Variants in CTDSPL2 observed in about 807,000 individuals in gnomAD.
CTDSPL2 encodes CTD small phosphatase-like protein 2.
A neutral mutation model predicts 60.0 loss-of-function variants in CTDSPL2; 5 were observed. That is an observed-to-expected ratio of 0.08 (90% CI 0.04 to 0.18). CTDSPL2 has a LOEUF of 0.18. Ranked by LOEUF, CTDSPL2 falls within the 10% of genes least tolerant of loss-of-function variation. The pLI is 1.00. For missense variants in CTDSPL2, 370 were observed against 548.8 expected (o/e 0.67, Z 3.26); for synonymous variants, 186 against 189.3 (o/e 0.98, Z 0.14).
In CTDSPL2 at chr15:44,494,647, T is replaced by C. The variant is rs1397614358; in HGVS notation, c.692-1733T>C. Among the ~76,000 whole-genome samples the C allele has an allele frequency of 5.3e-5, 8 of 151,490 alleles. No homozygotes were observed. The East Asian group carries it at 9.7e-4, about 18-fold the overall frequency. The stretch of plus-strand genomic sequence containing the variant: ...ATTTCTGGCTGGATGCAGTGGCTCA[T>C]GCCTGTAGTCCCTGCACTTTGCGAG... On this transcript the variant is annotated intron_variant, in intron 5 of 12. Transcript: ENST00000260327.
At chr15:44,487,849 C>T (rs1484701565) in intron 4 of CTDSPL2, among the ~76,000 whole-genome samples, 1 of 152,144 alleles carries the variant, frequency 6.6e-6, no homozygotes, top group Admixed American at 6.6e-5. Flanking sequence ...GGCACCGTGG[C>T]TTATACCTGT....
At chr15:44,502,124 C>A in intron 8 of CTDSPL2, 1 of 256,158 alleles carries the variant, frequency 3.9e-6, no homozygotes, top group South Asian at 4.1e-5. Flanking sequence ...TAAAGTACTG[C>A]ATATACTCTT....
At chr15:44,521,954 A>AC (rs1259522763) in intron 12 of CTDSPL2, among the ~76,000 whole-genome samples, 2 of 149,952 alleles carry the variant, frequency 1.3e-5, no homozygotes, top group African/African-American at 2.4e-5. Context: ...AAAAAAAAAA[A>AC]AAAAAAAAAC....
intron 7 of CTDSPL2, among the ~76,000 whole-genome samples, chr15:44,497,948 G>C (rs991913742): frequency 5.9e-5 from 9 of 152,062 alleles, no homozygotes; most frequent in African/African-American, 2.2e-4. Flanking sequence ...AGTGAGCTGA[G>C]ATCATATCAC....
chr15:44,458,894 A>G (rs1439470967), intron 1 of CTDSPL2, 97 bp from the exon 2 acceptor site: 4 of 785,738 alleles, frequency 5.1e-6, no homozygotes, highest in African/African-American at 1.8e-5. Context: ...TTTTTAGCCA[A>G]GATATTTTTA....
intron 2 of CTDSPL2, among the ~76,000 whole-genome samples, chr15:44,472,623 G>A (rs2080834132): frequency 6.7e-6 from 1 of 150,280 alleles, no homozygotes; most frequent in Admixed American, 6.7e-5. Flanking sequence ...TCAGCCTCCT[G>A]AGGAGCTGAG....
intron 10 of CTDSPL2, among the ~76,000 whole-genome samples, chr15:44,516,364 A>G (rs191397203): frequency 9.9e-4 from 151 of 152,234 alleles, no homozygotes; most frequent in African/African-American, 3.6e-3. Context: ...TTTATTATTC[A>G]GTGGTTGCAA....
At position 44,486,628 on chromosome 15, in the gene CTDSPL2, C is replaced by T. The variant is rs1179605829; in HGVS notation, c.403C>T (p.Pro135Ser). The T allele has an allele frequency of 1.1e-5, 17 of 1,593,746 alleles. No individual in the cohort carries two copies. Among genetic ancestry groups the T allele is most frequent in the Non-Finnish European group, 1.5e-5 (17 of 1,171,492 alleles). Reference sequence around the variant, plus strand: ...AGAAGATAATCCTTCCTCTGGCAGTCCTCCAAGGACTACTTTGTTGGGGAC... The same window carrying T: ...AGAAGATAATCCTTCCTCTGGCAGTTCTCCAAGGACTACTTTGTTGGGGAC... Reference protein sequence around the residue: ...KLEDNPSSGSPPRTTLLGTIF... With the variant: ...KLEDNPSSGSSPRTTLLGTIF... Residue 135 changes from proline to serine, a missense_variant, in exon 4 of 13, where the codon CCT becomes TCT. By Grantham distance (74) the Pro-to-Ser change is moderately conservative (BLOSUM62 -1). This residue lies in a region of CTDSPL2 where 287 missense variants were observed against 296.1 expected (regional missense o/e 0.97). Coordinates refer to ENST00000260327, the MANE Select transcript of CTDSPL2 (RefSeq NM_016396.3).
chr15:44,516,794 C>T (rs1488135730), intron 10 of CTDSPL2: 3 of 152,178 alleles, frequency 2.0e-5, no homozygotes, highest in African/African-American at 7.2e-5. Context: ...TCCATTTGTT[C>T]TATCTAGATG....
At chr15:44,445,590 A>T (rs1353176857) in intron 1 of CTDSPL2, among the ~76,000 whole-genome samples, 1 of 151,920 alleles carries the variant, frequency 6.6e-6, no homozygotes, top group Non-Finnish European at 1.5e-5. Context: ...TTTCTATCAG[A>T]AGTTTAATTT....
intron 1 of CTDSPL2, among the ~76,000 whole-genome samples, chr15:44,454,580 A>G (rs1383185186): frequency 6.6e-6 from 1 of 152,208 alleles, no homozygotes; most frequent in African/African-American, 2.4e-5. Context: ...TAAGTCTTGA[A>G]TCCATTTTGA....
At chr15:44,462,743 G>T (rs187835704) in intron 2 of CTDSPL2, among the ~76,000 whole-genome samples, 10 of 121,826 alleles carry the variant, frequency 8.2e-5, no homozygotes, top group Non-Finnish European at 1.6e-4. Flanking sequence ...GTCTTGGTCT[G>T]TTGCCCAGGG....
chr15:44,467,875 C>G (rs145608568), intron 2 of CTDSPL2, among the ~76,000 whole-genome samples: 1,894 of 152,178 alleles, frequency 0.012, 21 homozygotes, highest in Non-Finnish European at 0.022. Flanking sequence ...GTGGCAGGCC[C>G]CTCTTATTCT....
chr15:44,456,999 C>G (rs1257155164), intron 1 of CTDSPL2, among the ~76,000 whole-genome samples: 1 of 151,904 alleles, frequency 6.6e-6, no homozygotes, highest in Non-Finnish European at 1.5e-5. Flanking sequence ...ACTTCAGCCT[C>G]CCAGGTAGCT....
At chr15:44,455,951 C>T (rs1256296984) in intron 1 of CTDSPL2, among the ~76,000 whole-genome samples, 4 of 147,660 alleles carry the variant, frequency 2.7e-5, no homozygotes, top group Non-Finnish European at 6.0e-5. Context: ...CTGGGGTTCA[C>T]GCCATTCTCC....
chr15:44,447,626 C>A, intron 1 of CTDSPL2: 1 of 154,112 alleles, frequency 6.5e-6, no homozygotes, highest in South Asian at 2.0e-4. Flanking sequence ...TCGTGCCAGT[C>A]ATCATCTGAC....
chr15:44,467,820 T>C (rs1040116519), intron 2 of CTDSPL2, among the ~76,000 whole-genome samples: 1 of 152,082 alleles, frequency 6.6e-6, no homozygotes, highest in African/African-American at 2.4e-5. Flanking sequence ...AGTGATCTAC[T>C]CGCCTCGGCC....
At position 44,496,466 on chromosome 15, in the gene CTDSPL2, G is replaced by A. The variant is rs571344175; in HGVS notation, c.770+8G>A. On this transcript the variant is annotated splice_region_variant and intron_variant, in intron 6 of 12. Transcript: ENST00000260327. ...CTGGGAAGTATTTGACCCGTGAGTT[G>A]CTTTTTTCTCTTTTTTTCTTTCCTT... 6.2e-7 allele frequency: 1 copy of A among 1,610,230 alleles called. No homozygotes were observed. The highest frequency in any genetic ancestry group is 2.2e-5 in the East Asian group (1 of 44,852).
chr15:44,489,825 T>C (rs777188632), intron 4 of CTDSPL2, among the ~76,000 whole-genome samples: 4 of 152,230 alleles, frequency 2.6e-5, no homozygotes, highest in Non-Finnish European at 4.4e-5. Flanking sequence ...TGAAGAATTA[T>C]ATAGCCATGT....
Sources: gnomAD v4.1 joint callset for allele counts (sites outside exome capture counted in the v4.1 genomes callset) on GRCh38, gnomAD v4.1.1 for gene constraint, gnomAD v4.1.1 regional missense constraint, MANE v1.5 for transcripts, NCBI Gene and HGNC (gene_info 2026-07-23, HGNC 2026-07-21) for gene names.